Variants in KHDRBS2 observed in about 807,000 individuals in gnomAD.
KHDRBS2 encodes the protein KH domain-containing, RNA-binding, signal transduction-associated protein 2.
A neutral mutation model predicts 44.3 loss-of-function variants in KHDRBS2; 26 were observed. The ratio of observed to expected loss-of-function variants is 0.59; its 90% CI spans 0.43 to 0.81. The LOEUF is 0.81. KHDRBS2 is among the 40% of genes least tolerant of loss of function. The probability of loss-of-function intolerance (pLI) is 0.00; values close to 1 mark genes in which losing one functional copy is unlikely to be tolerated. For synonymous variants in KHDRBS2, 194 were observed against 151.1 expected (o/e 1.28, Z -2.08); for missense variants, 476 against 433.1 (o/e 1.10, Z -0.88).
At chr6:61,558,426 G>A in the KHDRBS2 span, among the ~76,000 whole-genome samples, 1 of 152,014 alleles carries the variant, frequency 6.6e-6, no homozygotes, top group African/African-American at 2.4e-5. Context: ...GCTGTACATG[G>A]TGGTGCATGC....
the KHDRBS2 span, among the ~76,000 whole-genome samples, chr6:61,546,787 G>A: frequency 2.0e-5 from 3 of 152,160 alleles, no homozygotes; most frequent in South Asian, 4.2e-4. Flanking sequence ...CTCACAAATA[G>A]GGTAGTGTCA....
intron 6 of KHDRBS2, among the ~76,000 whole-genome samples, chr6:61,774,727 T>C (rs1053059376): frequency 1.3e-5 from 2 of 152,156 alleles, no homozygotes; most frequent in Non-Finnish European, 2.9e-5. Context: ...GAGGAGCTGG[T>C]AGCATTCCTT....
chr6:62,119,691 A>G (rs796725480), intron 2 of KHDRBS2, among the ~76,000 whole-genome samples: 20 of 152,308 alleles, frequency 1.3e-4, no homozygotes, highest in African/African-American at 4.6e-4. Flanking sequence ...GCCAGAGGAA[A>G]CAGCCTCCCT....
chr6:62,073,780 G>C (rs185144322), intron 2 of KHDRBS2, among the ~76,000 whole-genome samples: 1 of 151,450 alleles, frequency 6.6e-6, no homozygotes, highest in African/African-American at 2.4e-5. Flanking sequence ...TTATCATGCA[G>C]CTCTCAGCCT....
chr6:62,110,038 T>A (rs555830139), intron 2 of KHDRBS2, among the ~76,000 whole-genome samples: 1 of 152,012 alleles, frequency 6.6e-6, no homozygotes, highest in East Asian at 1.9e-4. Flanking sequence ...GATAAATTGA[T>A]CTTCATCAAA....
chr6:61,553,428 C>T, the KHDRBS2 span, among the ~76,000 whole-genome samples: 3 of 151,170 alleles, frequency 2.0e-5, no homozygotes, highest in South Asian at 6.2e-4. Context: ...TCTGTCTATC[C>T]TATTTATTTC....
chr6:62,275,109 T>C (rs531895066), intron 1 of KHDRBS2, among the ~76,000 whole-genome samples: 1 of 151,992 alleles, frequency 6.6e-6, no homozygotes, highest in Admixed American at 6.6e-5. Context: ...TCCAAATACT[T>C]ATCTGACTTA....
chr6:61,842,998 C>A (rs1793820260), intron 6 of KHDRBS2, among the ~76,000 whole-genome samples: 1 of 138,126 alleles, frequency 7.2e-6, no homozygotes, highest in South Asian at 2.4e-4. Context: ...ATTGTTCAGC[C>A]ATAAAAAACA....
chr6:61,669,593 A>G, the KHDRBS2 span, among the ~76,000 whole-genome samples: 1 of 150,956 alleles, frequency 6.6e-6, no homozygotes, highest in Non-Finnish European at 1.5e-5. Flanking sequence ...CGTTTGATAT[A>G]TATCTTGGAT....
intron 3 of KHDRBS2, among the ~76,000 whole-genome samples, chr6:62,047,035 A>G (rs1399166358): frequency 6.6e-6 from 1 of 151,930 alleles, no homozygotes; most frequent in East Asian, 1.9e-4. Flanking sequence ...ATGTCTCATT[A>G]ACACAGATGC....
At chr6:61,983,777 T>C (rs6455118) in intron 3 of KHDRBS2, among the ~76,000 whole-genome samples, 2,719 of 152,300 alleles carry the variant, frequency 0.018, 74 homozygotes, top group African/African-American at 0.061. Flanking sequence ...AGAATAATTT[T>C]CCTTTGATTA....
intron 6 of KHDRBS2, among the ~76,000 whole-genome samples, chr6:61,772,592 A>T (rs888601509): frequency 2.6e-5 from 4 of 152,132 alleles, no homozygotes; most frequent in Admixed American, 2.0e-4. Context: ...TGACACATAC[A>T]TCCTCTCAAG....
chr6:61,744,333 T>C (rs555794673), intron 6 of KHDRBS2, among the ~76,000 whole-genome samples: 6 of 152,172 alleles, frequency 3.9e-5, no homozygotes, highest in African/African-American at 1.4e-4. Context: ...TGGGTTATAT[T>C]GCAGGGTAGG....
At chr6:62,071,057 T>A (rs770725097) in intron 2 of KHDRBS2, among the ~76,000 whole-genome samples, 2 of 152,316 alleles carry the variant, frequency 1.3e-5, no homozygotes, top group Non-Finnish European at 2.9e-5. Context: ...GGTATCTCAT[T>A]GTGGTTTTGA....
At chr6:61,907,461 T>C (rs1805243968) in intron 4 of KHDRBS2, among the ~76,000 whole-genome samples, 1 of 152,230 alleles carries the variant, frequency 6.6e-6, no homozygotes, top group South Asian at 2.1e-4. Context: ...TTTTGAAGTA[T>C]TACTCAAGAA....
At chr6:61,698,390 C>A (rs1298134648) in intron 7 of KHDRBS2, among the ~76,000 whole-genome samples, 1 of 152,104 alleles carries the variant, frequency 6.6e-6, no homozygotes, top group Non-Finnish European at 1.5e-5. Context: ...TATCTAATAG[C>A]AAATTCACTT....
chr6:61,637,908 G>C, the KHDRBS2 span, among the ~76,000 whole-genome samples: 1 of 151,912 alleles, frequency 6.6e-6, no homozygotes, highest in Non-Finnish European at 1.5e-5. Context: ...AAATTTGTTT[G>C]AGTTCATTGT....
chr6:61,891,932 A>T (rs1414845179), intron 6 of KHDRBS2, among the ~76,000 whole-genome samples: 1 of 152,192 alleles, frequency 6.6e-6, no homozygotes, highest in Non-Finnish European at 1.5e-5. Context: ...AATAAAGGGT[A>T]TTCAATCATG....
chr6:62,099,351 T>C (rs989973553), intron 2 of KHDRBS2, among the ~76,000 whole-genome samples: 5 of 152,144 alleles, frequency 3.3e-5, no homozygotes, highest in African/African-American at 1.2e-4. Context: ...GTTTCACCTC[T>C]AAATAGTGCC....
Sources: gnomAD v4.1 joint callset for allele counts (sites outside exome capture counted in the v4.1 genomes callset) on GRCh38, gnomAD v4.1.1 for gene constraint, MANE v1.5 for transcripts, NCBI Gene and HGNC (gene_info 2026-07-23, HGNC 2026-07-21) for gene names.